ABCD2: variants seen among roughly 807,000 people sequenced by gnomAD.
The protein encoded by ABCD2 is ATP-binding cassette sub-family D member 2.
In ABCD2, 36 loss-of-function variants were observed where a neutral mutation model predicts 70.9. The ratio of observed to expected loss-of-function variants is 0.51; its 90% CI spans 0.39 to 0.67. ABCD2 has a LOEUF of 0.67. Ranked by LOEUF, ABCD2 falls within the 30% of genes least tolerant of loss-of-function variation. ABCD2 has a pLI of 0.00. For synonymous variants in ABCD2, 304 were observed against 306.9 expected (o/e 0.99, Z 0.10); for missense variants, 729 against 890.2 (o/e 0.82, Z 2.30).
chr12:39,553,654 A>G lies in ABCD2; in HGVS notation c.*258T>C, dbSNP rs1331936669. ...TAAATCTGGTATTCATCATGAATTC[A>G]CCTAGAAAATCCTGTTTTACAAGTG... On this transcript the variant is annotated 3_prime_UTR_variant, in exon 10 of 10. Transcript: ENST00000308666. 7.6e-6 allele frequency: 3 copies of G among 395,302 alleles called. No individual in the cohort carries two copies. The highest frequency in any genetic ancestry group is 1.4e-5 in the Non-Finnish European group (3 of 219,806). The allele number at this position is 395,302 out of a possible 1,614,324, so 24.5% of individuals were successfully genotyped here.
chr12:39,594,838 G>T (rs931296156), intron 6 of ABCD2, among the ~76,000 whole-genome samples: 1 of 152,038 alleles, frequency 6.6e-6, no homozygotes, highest in Non-Finnish European at 1.5e-5. Flanking sequence ...TCTGGGTTTC[G>T]TGGTGGGCGC....
chr12:39,568,574 T>A (rs1941395579), intron 9 of ABCD2, among the ~76,000 whole-genome samples: 1 of 151,886 alleles, frequency 6.6e-6, no homozygotes, highest in Non-Finnish European at 1.5e-5. Flanking sequence ...GGGTTCGAAC[T>A]CCCTCCTTTA....
intron 7 of ABCD2, among the ~76,000 whole-genome samples, chr12:39,583,394 AT>A (rs1205698217): frequency 6.6e-6 from 1 of 152,226 alleles, no homozygotes; most frequent in East Asian, 1.9e-4. Flanking sequence ...AAAATAGAAC[AT>A]AAAATACATT....
At chr12:39,543,831 T>TA in the ABCD2 span, among the ~76,000 whole-genome samples, 1 of 152,240 alleles carries the variant, frequency 6.6e-6, no homozygotes, top group Non-Finnish European at 1.5e-5. Flanking sequence ...ATATATTAAG[T>TA]AACTACTATG....
intron 6 of ABCD2, among the ~76,000 whole-genome samples, chr12:39,596,262 A>AT (rs1383550451): frequency 1.3e-5 from 2 of 152,030 alleles, no homozygotes; most frequent in Non-Finnish European, 2.9e-5. Flanking sequence ...ACACTGTTCT[A>AT]TTTTTTCCTC....
At chr12:39,596,886 A>T (rs1003397101) in intron 6 of ABCD2, among the ~76,000 whole-genome samples, 7 of 152,188 alleles carry the variant, frequency 4.6e-5, no homozygotes, top group Admixed American at 1.3e-4. Context: ...GTATTTGCAT[A>T]TCACCAACAC....
chr12:39,605,084 G>A (rs2120733583), intron 3 of ABCD2, among the ~76,000 whole-genome samples, 154 bp from the exon 4 acceptor site: 1 of 152,102 alleles, frequency 6.6e-6, no homozygotes, highest in South Asian at 2.1e-4. Flanking sequence ...TAAAACACAT[G>A]ACAGTACAAA....
intron 5 of ABCD2, among the ~76,000 whole-genome samples, chr12:39,601,534 CTTA>C (rs1941897198): frequency 6.6e-6 from 1 of 151,828 alleles, no homozygotes; most frequent in African/African-American, 2.4e-5. Flanking sequence ...AAGAAGTTGT[CTTA>C]TTATGGTATT....
At chr12:39,578,318 C>CA (rs1335181849) in intron 8 of ABCD2, among the ~76,000 whole-genome samples, 4 of 151,944 alleles carry the variant, frequency 2.6e-5, no homozygotes, top group African/African-American at 7.2e-5. Flanking sequence ...ACTAAAAATA[C>CA]AAAAAATTAG....
At chr12:39,547,492 G>A (rs1011212788), downstream of ABCD2, among the ~76,000 whole-genome samples, 1 of 152,088 alleles carries the variant, frequency 6.6e-6, no homozygotes, top group Non-Finnish European at 1.5e-5. Context: ...TAAAAAGGAA[G>A]GAAGTTCTAT....
intron 8 of ABCD2, among the ~76,000 whole-genome samples, chr12:39,575,704 T>C (rs1053679987): frequency 6.6e-6 from 1 of 152,218 alleles, no homozygotes; most frequent in Non-Finnish European, 1.5e-5. Context: ...CAGTTTCCTA[T>C]TGTTAAACTT....
rs915831803 is a variant in ABCD2, at chr12:39,551,550, T to C, written c.*2362A>G. 3 of 151,708 alleles carry C rather than the reference T, an allele frequency of 2.0e-5. No homozygotes were observed. Among genetic ancestry groups the C allele is most frequent in the African/African-American group, 7.2e-5 (3 of 41,402 alleles). The allele number at this position is 151,708 out of a possible 1,614,324, so 9.4% of individuals were successfully genotyped here. On this transcript the variant is annotated 3_prime_UTR_variant, in exon 10 of 10. Coordinates refer to ENST00000308666, the MANE Select transcript of ABCD2 (RefSeq NM_005164.4). ...AGTTCAAATCAGAGATGTTTTCCCT[T>C]CCAAGTTAAGGATGTTGGTCCTGAA... is the stretch of plus-strand genomic sequence containing the variant.
chr12:39,543,562 A>G, the ABCD2 span, among the ~76,000 whole-genome samples: 1 of 152,198 alleles, frequency 6.6e-6, no homozygotes, highest in Non-Finnish European at 1.5e-5. Context: ...ATTGAGAAGA[A>G]CTTAGTGTTT....
the ABCD2 span, among the ~76,000 whole-genome samples, chr12:39,534,774 G>T: frequency 8.9e-6 from 1 of 112,286 alleles, no homozygotes; most frequent in Non-Finnish European, 1.8e-5. Flanking sequence ...AAGAAAGAAA[G>T]AAAGAAAGAA....
rs770791451 is a variant in ABCD2, at chr12:39,619,312, T to C, written c.304A>G (p.Thr102Ala). ...TGCAGGCAGAGCCACCCTGTTTCAGTGGTCACAAGTTTTGGAAACAAAATT... is the reference window on the plus strand; with the variant it reads ...TGCAGGCAGAGCCACCCTGTTTCAGCGGTCACAAGTTTTGGAAACAAAATT... ...RKILFPKLVT[T>A]ETGWLCLHSV... is the part of the protein sequence containing the mutation. The change falls in exon 1 of 10, where the codon ACT becomes GCT. Residue 102 changes from threonine to alanine, a missense_variant. Transcript: ENST00000308666. 3.1e-6 allele frequency: 5 copies of C among 1,613,956 alleles called. No individual in the cohort carries two copies. The highest frequency in any genetic ancestry group is 2.7e-5 in the African/African-American group (2 of 74,878).
chr12:39,541,185 G>T, the ABCD2 span, among the ~76,000 whole-genome samples: 1 of 152,100 alleles, frequency 6.6e-6, no homozygotes, highest in Non-Finnish European at 1.5e-5. Flanking sequence ...AAGAGTAATA[G>T]TAAAACTGCA....
chr12:39,560,805 T>C (rs961542498), intron 9 of ABCD2, among the ~76,000 whole-genome samples: 22 of 152,162 alleles, frequency 1.4e-4, no homozygotes, highest in African/African-American at 5.1e-4. Context: ...ATGGTAACCA[T>C]GAAGCAAAAA....
rs887129287 is a variant in ABCD2 at position 39,587,832 on chromosome 12, G to A, written c.1647-1535C>T. 1.2e-4 allele frequency among the ~76,000 whole-genome samples: 19 copies of A among 152,138 alleles called. 1 individual carries two copies. The highest frequency in any genetic ancestry group is 5.9e-5 in the Non-Finnish European group (4 of 68,026). On this transcript the variant is annotated intron_variant, in intron 6 of 9. Coordinates refer to ENST00000308666, the MANE Select transcript of ABCD2 (RefSeq NM_005164.4). ...AATTTAACTGAACAGTATGTCCAAA[G>A]GATAAAGTAACCACACAGCGAAGGG... is the stretch of plus-strand genomic sequence containing the variant.
chr12:39,593,731 G>T (rs1941777154), intron 6 of ABCD2, among the ~76,000 whole-genome samples: 1 of 152,104 alleles, frequency 6.6e-6, no homozygotes, highest in Non-Finnish European at 1.5e-5. Context: ...GACATAAAGG[G>T]TAAGTCATGA....
Sources: allele counts gnomAD v4.1 joint callset (sites outside exome capture counted in the v4.1 genomes callset), GRCh38; gene constraint gnomAD v4.1.1; transcripts MANE v1.5; gene names NCBI Gene and HGNC (gene_info 2026-07-23, HGNC 2026-07-21).